The following ZNF502 variants were observed in gnomAD, a reference collection of about 807,000 sequenced individuals.
ZNF502 encodes the protein zinc finger protein 502.
ZNF502 carries 29 observed loss-of-function variants against 43.6 expected under a neutral mutation model. The ratio of observed to expected loss-of-function variants is 0.67; its 90% confidence interval spans 0.50 to 0.91. The LOEUF (loss-of-function observed/expected upper bound fraction) is 0.91, where lower values mean the gene tolerates loss of function less well. ZNF502 is among the 40% of genes least tolerant of loss of function. The pLI, the probability that ZNF502 is intolerant of heterozygous loss-of-function variation, is 0.00. For missense variants in ZNF502, 591 were observed against 647.2 expected (o/e 0.91, Z 0.94); for synonymous variants, 171 against 207.4 (o/e 0.82, Z 1.51).
chr3:44,718,371 G>A (rs536012016), intron 1 of ZNF502, among the ~76,000 whole-genome samples: 34 of 152,224 alleles, frequency 2.2e-4, no homozygotes, highest in African/African-American at 7.7e-4. Flanking sequence ...TCACCACTAC[G>A]CAGATTATCT....
In ZNF502 at chr3:44,721,750, G is replaced by C; in HGVS notation, c.933G>C (p.Thr311=). 6.2e-7 allele frequency: 1 copy of C among 1,612,142 alleles called. No homozygotes were observed. The highest frequency in any genetic ancestry group is 8.5e-7 in the Non-Finnish European group (1 of 1,178,982). The change falls in exon 3 of 3, where the codon ACG becomes ACC. Residue 311 remains threonine (T), a synonymous_variant. Coordinates refer to ENST00000436624, the MANE Select transcript of ZNF502 (RefSeq NM_001134442.3). ...CTTTTCGAAAACACTCAAATCTTAC[G>C]CAACATCAGAGAATTCACACTGGGG... is the stretch of plus-strand genomic sequence containing the variant. ...GSSFRKHSNL[T]QHQRIHTGEK...
At chr3:44,717,851 A>G (rs557615627) in intron 1 of ZNF502, among the ~76,000 whole-genome samples, 12 of 152,064 alleles carry the variant, frequency 7.9e-5, no homozygotes, top group Admixed American at 2.0e-4. Context: ...GAAGTTTTCT[A>G]TGTTGCCTAG....
chr3:44,718,393 CAG>C (rs1197524718), intron 1 of ZNF502, among the ~76,000 whole-genome samples: 2 of 152,212 alleles, frequency 1.3e-5, no homozygotes, highest in Non-Finnish European at 2.9e-5. Context: ...TTGCTGTAGA[CAG>C]AGGAATATGT....
At chr3:44,717,472 C>CA (rs1371422841) in intron 1 of ZNF502, among the ~76,000 whole-genome samples, 5 of 135,150 alleles carry the variant, frequency 3.7e-5, no homozygotes, top group African/African-American at 1.4e-4. Flanking sequence ...AGTGCAATGA[C>CA]ACGATCCATC....
rs1454954655 is a variant in ZNF502 at position 44,723,088 on chromosome 3, T to C, written c.*636T>C. On this transcript the variant is annotated 3_prime_UTR_variant, in exon 3 of 3. Transcript: ENST00000436624. ...CAGTAAAGAAGGCTTTCTTTCATTA[T>C]CAGGGTGAAGGTCTTTCCTGATTCT... 1 of 152,112 alleles carries C rather than the reference T, an allele frequency of 6.6e-6. No homozygotes were observed. Among genetic ancestry groups the C allele is most frequent in the Non-Finnish European group, 1.5e-5 (1 of 68,044 alleles). The allele number at this position is 152,112 out of a possible 1,614,324, so 9.4% of individuals were successfully genotyped here.
intron 2 of ZNF502, among the ~76,000 whole-genome samples, chr3:44,720,646 G>A (rs1704289067): frequency 6.6e-6 from 1 of 152,108 alleles, no homozygotes; most frequent in Admixed American, 6.5e-5. Context: ...TGCTCCTTGG[G>A]TGTCTGTAGC....
chr3:44,718,661 C>G (rs1243871357), intron 1 of ZNF502, among the ~76,000 whole-genome samples: 1 of 152,168 alleles, frequency 6.6e-6, no homozygotes, highest in Non-Finnish European at 1.5e-5. Flanking sequence ...TTTTCCCTTT[C>G]ACACGTCTAA....
At chr3:44,720,371 T>G in intron 2 of ZNF502, 55 bp downstream of exon 2, 1 of 1,587,566 alleles carries the variant, frequency 6.3e-7, no homozygotes. Flanking sequence ...AGGAAGCCTT[T>G]GGAAATTTTA....
chr3:44,720,772 A>G, intron 2 of ZNF502, 101 bp from the exon 3 acceptor site: 1 of 1,363,728 alleles, frequency 7.3e-7, no homozygotes, highest in Admixed American at 2.3e-5. Flanking sequence ...GCCCTTCATC[A>G]TAGGCCATTA....
chr3:44,713,259 A>G (rs1341439402), intron 1 of ZNF502, among the ~76,000 whole-genome samples: 1 of 152,310 alleles, frequency 6.6e-6, no homozygotes, highest in South Asian at 2.1e-4. Flanking sequence ...CTTCTTCACA[A>G]AGCTCAGTTG....
rs1459369882 is a variant in ZNF502 at position 44,722,289 on chromosome 3, A to G, written c.1472A>G (p.Tyr491Cys). 3.7e-6 allele frequency: 6 copies of G among 1,614,250 alleles called. No individual in the cohort carries two copies. The highest frequency in any genetic ancestry group is 1.1e-5 in the South Asian group (1 of 91,090). The change falls in exon 3 of 3, where the codon TAT (tyrosine) becomes TGT (cysteine). Residue 491 changes from tyrosine to cysteine, a missense_variant. Tyr to Cys is a radical substitution (Grantham distance 194). Transcript: ENST00000436624. Reference sequence around the variant, plus strand: ...AGAACTCACACTGGTGAGAAGCTCTATAAATGTAGTGAGTGTGAGAAAACC... The same window carrying G: ...AGAACTCACACTGGTGAGAAGCTCTGTAAATGTAGTGAGTGTGAGAAAACC... ...HHRTHTGEKL[Y>C]KCSECEKTFR...
rs759395774 is a variant in ZNF502 at position 44,721,481 on chromosome 3, T to C, written c.664T>C (p.Cys222Arg). The C allele has an allele frequency of 3.1e-6, 5 of 1,614,132 alleles. No individual in the cohort carries two copies. In the Admixed American group the frequency reaches 6.7e-5, roughly 22 times the overall value. ...GCEQCGKTFR[C>R]RSFLTQHQRI... ...TGAGCAGTGTGGGAAAACATTTCGA[T>C]GTCGATCATTTCTTACTCAGCATCA... Residue 222 changes from cysteine to arginine, a missense_variant, in exon 3 of 3, where the codon TGT becomes CGT. Transcript: ENST00000436624.
At position 44,716,803 on chromosome 3, in the gene ZNF502, C is replaced by T. The variant is rs752896091; in HGVS notation, c.-59-3400C>T. On this transcript the variant is annotated intron_variant, in intron 1 of 2. Coordinates refer to ENST00000436624, the MANE Select transcript of ZNF502 (RefSeq NM_001134442.3). ...TCTTCATTCTTTCAGTTTCCATTTCCTTGTTTACCATAAAGATGGAACATT... is the reference window on the plus strand; with the variant it reads ...TCTTCATTCTTTCAGTTTCCATTTCTTTGTTTACCATAAAGATGGAACATT... Among the ~76,000 whole-genome samples, 106 of 152,052 alleles carry T rather than the reference C, an allele frequency of 7.0e-4. 3 individuals are homozygous for T. The highest frequency in any genetic ancestry group is 7.2e-4 in the Admixed American group (11 of 15,272).
At chr3:44,713,872 G>A (rs527795660) in intron 1 of ZNF502, among the ~76,000 whole-genome samples, 5 of 152,264 alleles carry the variant, frequency 3.3e-5, no homozygotes, top group Admixed American at 2.0e-4. Context: ...GAAACACCGC[G>A]CCAGGCCTAT....
chr3:44,722,509 G>T lies in ZNF502; in HGVS notation c.*57G>T, dbSNP rs1704390464. The T allele has an allele frequency of 1.9e-6, 3 of 1,539,918 alleles. No homozygotes were observed. The highest frequency in any genetic ancestry group is 2.6e-6 in the Non-Finnish European group (3 of 1,148,896). ...GCGAGGATGACTACGAATCTGACTG[G>T]GAGTAGAGGGGCAGGTAGAGTTCCT... is the stretch of plus-strand genomic sequence containing the variant. On this transcript the variant is annotated 3_prime_UTR_variant, in exon 3 of 3. Transcript: ENST00000436624.
chr3:44,712,862 C>T (rs753861533), intron 1 of ZNF502, 122 bp downstream of exon 1: 1 of 152,532 alleles, frequency 6.6e-6, no homozygotes, highest in Admixed American at 6.5e-5. Flanking sequence ...ACGTTGCTGC[C>T]TACGCGTGCT....
At position 44,721,160 on chromosome 3, in the gene ZNF502, G is replaced by A; in HGVS notation, c.343G>A (p.Val115Ile). The change falls in exon 3 of 3, where the codon GTT becomes ATT. Residue 115 changes from valine (V) to isoleucine (I), a missense_variant. Transcript: ENST00000436624. Reference sequence around the variant, plus strand: ...AAGCTTGCTTTTGACCTCAAGCCTTGTTACACGTCTCAGGGTTTCTACAGA... The same window carrying A: ...AAGCTTGCTTTTGACCTCAAGCCTTATTACACGTCTCAGGGTTTCTACAGA... ...EKSLLLTSSL[V>I]TRLRVSTEES... The A allele has an allele frequency of 6.2e-7, 1 of 1,614,124 alleles. No individual in the cohort carries two copies. The highest frequency in any genetic ancestry group is 8.5e-7 in the Non-Finnish European group (1 of 1,180,026).
chr3:44,720,422 C>T, intron 2 of ZNF502, 106 bp downstream of exon 2: 1 of 1,159,020 alleles, frequency 8.6e-7, no homozygotes, highest in Non-Finnish European at 1.2e-6. Flanking sequence ...AAATAACTGT[C>T]TCTTATAGGG....
intron 1 of ZNF502, among the ~76,000 whole-genome samples, chr3:44,715,363 G>T (rs1357848791): frequency 2.0e-5 from 3 of 151,864 alleles, no homozygotes; most frequent in African/African-American, 4.8e-5. Flanking sequence ...ATGTTTATTT[G>T]CCTGTTTATT....
Sources: allele counts gnomAD v4.1 joint callset (sites outside exome capture counted in the v4.1 genomes callset), GRCh38; gene constraint gnomAD v4.1.1; transcripts MANE v1.5; gene names NCBI Gene and HGNC (gene_info 2026-07-23, HGNC 2026-07-21).